PCDHA9: variants seen among roughly 807,000 people sequenced by gnomAD.
PCDHA9 encodes the protein protocadherin alpha-9.
In PCDHA9, 62 loss-of-function variants were observed where a neutral mutation model predicts 62.0. The observed-to-expected ratio is 1.00, with a 90% CI of 0.81 to 1.23. PCDHA9 has a LOEUF of 1.23. Ranked by LOEUF, PCDHA9 falls within the 50% of genes most tolerant of loss-of-function variation. The pLI, the probability that PCDHA9 is intolerant of heterozygous loss-of-function variation, is 0.00. For missense variants in PCDHA9, 1,205 were observed against 1,249.8 expected (o/e 0.96, Z 0.54); for synonymous variants, 557 against 567.6 (o/e 0.98, Z 0.27).
intron 3 of PCDHA9, among the ~76,000 whole-genome samples, chr5:140,995,339 G>A (rs782776966): frequency 1.3e-4 from 20 of 152,026 alleles, no homozygotes; most frequent in Non-Finnish European, 7.4e-5. Context: ...TAGTGTAGAC[G>A]GCATGGATAG....
chr5:140,889,409 A>C (rs1448554315), intron 1 of PCDHA9, among the ~76,000 whole-genome samples: 5 of 152,024 alleles, frequency 3.3e-5, no homozygotes, highest in African/African-American at 1.2e-4. Context: ...TACTCGAGTC[A>C]GTTACGTAGA....
chr5:140,869,244 C>A (rs782454826), intron 1 of PCDHA9: 1 of 1,613,658 alleles, frequency 6.2e-7, no homozygotes. Flanking sequence ...TCGTGGGCCG[C>A]ATCGCGCAGG....
At chr5:140,966,794 G>T in intron 1 of PCDHA9, 1 of 1,533,558 alleles carries the variant, frequency 6.5e-7, no homozygotes. Context: ...CAGACCTGCG[G>T]CGACAGAGCA....
chr5:140,909,494 G>A (rs1554193825), intron 1 of PCDHA9, among the ~76,000 whole-genome samples: 2 of 152,174 alleles, frequency 1.3e-5, no homozygotes, highest in African/African-American at 4.8e-5. Context: ...GAGCTGAACG[G>A]GGATGTGGTG....
intron 1 of PCDHA9, among the ~76,000 whole-genome samples, chr5:140,891,207 GCTGTGTCTTTATAATCATC>G (rs2062985050): frequency 6.6e-6 from 1 of 152,054 alleles, no homozygotes; most frequent in Non-Finnish European, 1.5e-5. Context: ...GTTTTACCAT[GCTGTGTCTTTATAATCATC>G]CTGTTCTGGA....
At chr5:141,000,414 TATA>T (rs1563651539) in intron 3 of PCDHA9, among the ~76,000 whole-genome samples, 16 of 99,530 alleles carry the variant, frequency 1.6e-4, no homozygotes, top group African/African-American at 2.5e-4. Flanking sequence ...TATATATATA[TATA>T]TATATTTTTT....
chr5:140,952,923 C>T (rs1554220692), intron 1 of PCDHA9, among the ~76,000 whole-genome samples: 1 of 151,990 alleles, frequency 6.6e-6, no homozygotes, highest in East Asian at 1.9e-4. Context: ...ATGGCATGAG[C>T]AGGAGCAGGA....
chr5:140,925,585 A>T (rs1450626568), intron 1 of PCDHA9, among the ~76,000 whole-genome samples: 1 of 151,748 alleles, frequency 6.6e-6, no homozygotes, highest in Non-Finnish European at 1.5e-5. Flanking sequence ...AACATGGCGC[A>T]TGTATACATA....
intron 1 of PCDHA9, chr5:140,966,543 A>C (rs200134570): frequency 6.5e-6 from 3 of 461,074 alleles, no homozygotes; most frequent in Admixed American, 4.3e-5. Context: ...AGCGACTCGG[A>C]GGCGAGCGGA....
At chr5:140,993,616 C>A (rs1554253872) in intron 3 of PCDHA9, among the ~76,000 whole-genome samples, 2 of 151,688 alleles carry the variant, frequency 1.3e-5, no homozygotes, top group Admixed American at 6.6e-5. Context: ...TTGTTGGGAC[C>A]CTCTATATAT....
chr5:140,865,936 A>G (rs1279027190), intron 1 of PCDHA9: 2 of 152,184 alleles, frequency 1.3e-5, no homozygotes, highest in Non-Finnish European at 2.9e-5. Flanking sequence ...AAGAAACTTC[A>G]TGATTGTCTT....
At chr5:140,898,622 A>C (rs1286354840) in intron 1 of PCDHA9, among the ~76,000 whole-genome samples, 1 of 152,172 alleles carries the variant, frequency 6.6e-6, no homozygotes, top group Admixed American at 6.5e-5. Context: ...GTCAGGTAGC[A>C]TAATGCCTCC....
In PCDHA9 at chr5:141,007,955, C is replaced by T. The variant is rs192197811; in HGVS notation, c.2543-1672C>T. ...CTAAGCCACCTTTTTGAGAACTGCT[C>T]ATTCTCTGGGTGTCTGTCATGTATA... On this transcript the variant is annotated intron_variant, in intron 3 of 3. Transcript: ENST00000532602. 2.6e-5 allele frequency among the ~76,000 whole-genome samples: 4 copies of T among 152,294 alleles called. No homozygotes were observed. In the East Asian group the frequency reaches 7.7e-4, roughly 29 times the overall value.
rs782782390 is a variant in PCDHA9 at position 140,856,337 on chromosome 5, C to T, written c.2394+5448C>T. 2.5e-6 allele frequency: 4 copies of T among 1,598,496 alleles called. 1 individual carries two copies. The Admixed American group carries it at 5.1e-5, about 20-fold the overall frequency. On this transcript the variant is annotated intron_variant, in intron 1 of 3. Transcript: ENST00000532602. ...GATTGACCGCGAGGAGCTGTGCGGG[C>T]GGAGCGTGGAGTGCAGCATCCACCT...
chr5:140,986,042 C>T (rs1344724281), intron 3 of PCDHA9, among the ~76,000 whole-genome samples: 1 of 152,104 alleles, frequency 6.6e-6, no homozygotes, highest in Admixed American at 6.5e-5. Context: ...CCTGGCCTCA[C>T]TGATGAATTC....
intron 1 of PCDHA9, among the ~76,000 whole-genome samples, chr5:140,946,530 C>T (rs2093957873): frequency 6.6e-6 from 1 of 150,514 alleles, no homozygotes; most frequent in African/African-American, 2.5e-5. Context: ...CTCCCATGTT[C>T]ATTGCAGCAT....
chr5:140,904,714 C>T (rs1306730472), intron 1 of PCDHA9, among the ~76,000 whole-genome samples: 1 of 152,110 alleles, frequency 6.6e-6, no homozygotes, highest in African/African-American at 2.4e-5. Flanking sequence ...TCACCACATT[C>T]TGGCCAACAT....
Position 140,850,211 on chromosome 5 carries a change from C to A in PCDHA9, c.1716C>A (p.Gly572=), listed in dbSNP as rs2150473492. ...APALLTPRMR[G]TDGAVSEMVL... is the part of the protein sequence containing the mutation. The stretch of plus-strand genomic sequence containing the variant: ...CGCTGCTGACACCTCGGATGAGGGG[C>A]ACTGACGGCGCAGTGAGCGAGATGG... The change falls in exon 1 of 4, where the codon GGC becomes GGA. Residue 572 remains glycine, a synonymous_variant. Coordinates refer to ENST00000532602, the MANE Select transcript of PCDHA9 (RefSeq NM_031857.2). The A allele has an allele frequency of 5.0e-6, 8 of 1,593,540 alleles. 1 individual carries two copies. Among genetic ancestry groups the A allele is most frequent in the Non-Finnish European group, 6.0e-6 (7 of 1,167,626 alleles).
At chr5:140,969,459 G>A (rs1554231863) in intron 1 of PCDHA9, 1 of 1,503,404 alleles carries the variant, frequency 6.7e-7, no homozygotes, top group Non-Finnish European at 8.9e-7. Flanking sequence ...AGTATATATA[G>A]TATCCACAAT....
Sources: allele counts gnomAD v4.1 joint callset (sites outside exome capture counted in the v4.1 genomes callset), GRCh38; gene constraint gnomAD v4.1.1; transcripts MANE v1.5; gene names NCBI Gene and HGNC (gene_info 2026-07-23, HGNC 2026-07-21).